The following SLC11A2 variants were observed in gnomAD, a reference collection of about 807,000 sequenced individuals.
The protein encoded by SLC11A2 is solute carrier family 11 member 2, also known as natural resistance-associated macrophage protein 2.
SLC11A2 carries 38 observed loss-of-function variants against 68.0 expected under a neutral mutation model. The ratio of observed to expected loss-of-function variants is 0.56; its 90% CI spans 0.43 to 0.73. The LOEUF is 0.73. Among genes scored for constraint, SLC11A2 ranks in the 30% least tolerant of loss-of-function variants. The pLI is 0.00. For synonymous variants in SLC11A2, 242 were observed against 250.6 expected (o/e 0.97, Z 0.32); for missense variants, 517 against 690.5 (o/e 0.75, Z 2.82).
upstream of SLC11A2, among the ~76,000 whole-genome samples, chr12:51,026,968 G>T (rs1944419445): frequency 1.3e-5 from 2 of 152,138 alleles, no homozygotes; most frequent in Non-Finnish European, 2.9e-5. Flanking sequence ...CCTGAGATCG[G>T]GAGTTTGAGA....
chr12:50,993,593 A>AG (rs369091351), intron 11 of SLC11A2, among the ~76,000 whole-genome samples: 10,280 of 150,678 alleles, frequency 0.068, 696 homozygotes, highest in East Asian at 0.28. Flanking sequence ...TGGGAGGCCG[A>AG]GGGGGGGGTG....
chr12:50,987,830 T>TAATA lies in SLC11A2; in HGVS notation c.*494_*495insTATT. ...TTATATTTCATATGGATGAAGCTAT[T>TAATA]CTAGTTGATAATTTGGTATAATTAA... On this transcript the variant is annotated 3_prime_UTR_variant, in exon 16 of 16. Transcript: ENST00000262052. 1 of 1,261,580 alleles carries TAATA rather than the reference T, an allele frequency of 7.9e-7. No individual in the cohort carries two copies. Among genetic ancestry groups the TAATA allele is most frequent in the Non-Finnish European group, 1.0e-6 (1 of 978,096 alleles). The allele number at this position is 1,261,580 out of a possible 1,614,324, so 78.1% of individuals were successfully genotyped here.
the SLC11A2 span, among the ~76,000 whole-genome samples, chr12:50,968,112 A>G: frequency 6.6e-6 from 1 of 151,994 alleles, no homozygotes; most frequent in Admixed American, 6.6e-5. Context: ...AAGGAGGAGG[A>G]GGAGGAGGAG....
At chr12:50,994,327 G>A (rs1370034568) in intron 11 of SLC11A2, among the ~76,000 whole-genome samples, 3 of 152,148 alleles carry the variant, frequency 2.0e-5, no homozygotes, top group East Asian at 1.9e-4. Flanking sequence ...GATTACAGGC[G>A]TGAACCACCG....
In SLC11A2 at chr12:50,994,536, A is replaced by G. The variant is rs888027152; in HGVS notation, c.1077+8T>C. ...AGGAACAAAGATCACAAATCCAAACATGCTTACCCCTTTGTAGATGTCCAC... is the reference window on the plus strand; with the variant it reads ...AGGAACAAAGATCACAAATCCAAACGTGCTTACCCCTTTGTAGATGTCCAC... On this transcript the variant is annotated splice_region_variant and intron_variant, in intron 11 of 15. Coordinates refer to ENST00000262052, the MANE Select transcript of SLC11A2 (RefSeq NM_000617.3). The G allele has an allele frequency of 3.2e-6, 5 of 1,574,910 alleles. No homozygotes were observed. The highest frequency in any genetic ancestry group is 3.5e-6 in the Non-Finnish European group (4 of 1,144,112).
chr12:50,986,828 A>T lies in SLC11A2; in HGVS notation c.*1497T>A, dbSNP rs1385168696. 1 of 1,287,100 alleles carries T rather than the reference A, an allele frequency of 7.8e-7. No individual in the cohort carries two copies. Among genetic ancestry groups the T allele is most frequent in the Non-Finnish European group, 1.0e-6 (1 of 988,696 alleles). 79.7% of individuals were successfully genotyped at this position (1,287,100 alleles called of 1,614,324 possible). ...ACCCTTAAATGCCTTATAAAAGACC[A>T]TCCATCCAGTCTGCGCTTTTGACTG... On this transcript the variant is annotated 3_prime_UTR_variant, in exon 16 of 16. Transcript: ENST00000262052.
rs121918365 is a variant in SLC11A2, at chr12:50,992,810, C to G, written c.1197G>C (p.Glu399Asp). 3 of 1,613,564 alleles carry G rather than the reference C, an allele frequency of 1.9e-6. No individual in the cohort carries two copies. Among genetic ancestry groups the G allele is most frequent in the Non-Finnish European group, 1.7e-6 (2 of 1,179,868 alleles). The part of the protein sequence containing the change: ...TGTYSGQFVM[E>D]GFLNLKWSRF... The stretch of plus-strand genomic sequence containing the variant: ...CCCTCTATCCTATACCAGCACGTAC[C>G]TCCATGACAAACTGGCCAGAATAGG... The change falls in exon 12 of 16, where the codon GAG (glutamate) becomes GAC (aspartate). Residue 399 changes from glutamate (E) to aspartate (D), a missense_variant and splice_region_variant. Transcript: ENST00000262052.
the SLC11A2 span, chr12:50,953,919 T>G: frequency 1.3e-6 from 1 of 780,878 alleles, no homozygotes; most frequent in Non-Finnish European, 2.2e-6. Context: ...TAATCAAGAG[T>G]ATGATGGGAG....
chr12:50,990,704 C>G, intron 15 of SLC11A2, 91 bp downstream of exon 15: 1 of 1,377,424 alleles, frequency 7.3e-7, no homozygotes, highest in Non-Finnish European at 1.0e-6. Flanking sequence ...GCCACTGTGC[C>G]CAGCCTGGGT....
chr12:51,027,685 A>T (rs1329400510), upstream of SLC11A2, among the ~76,000 whole-genome samples: 3 of 152,140 alleles, frequency 2.0e-5, no homozygotes, highest in South Asian at 6.2e-4. Flanking sequence ...AATTTTCTGC[A>T]ATGTCGTTTA....
chr12:50,971,219 C>T, the SLC11A2 span, among the ~76,000 whole-genome samples: 1 of 152,084 alleles, frequency 6.6e-6, no homozygotes, highest in African/African-American at 2.4e-5. Flanking sequence ...ACACCCTATC[C>T]ATGTCTTAAT....
chr12:51,000,329 G>T lies in SLC11A2; in HGVS notation c.520C>A (p.Leu174Ile), dbSNP rs1253717479. ...EVIGSAIAIN[L>I]LSVGRIPLWG... The stretch of plus-strand genomic sequence containing the variant: ...ACCCCTCACCTTCCTACAGACAGAA[G>T]ATTGATAGCAATGGCTGAGCCAATG... The change falls in exon 6 of 16, where the codon CTT becomes ATT. Residue 174 changes from leucine (L) to isoleucine (I), a missense_variant. Leu to Ile is a conservative substitution (Grantham distance 5). Coordinates refer to ENST00000262052, the MANE Select transcript of SLC11A2 (RefSeq NM_000617.3). 11 of 1,612,100 alleles carry T rather than the reference G, an allele frequency of 6.8e-6. No individual in the cohort carries two copies. Among genetic ancestry groups the T allele is most frequent in the Non-Finnish European group, 9.3e-6 (11 of 1,178,270 alleles).
intron 1 of SLC11A2, among the ~76,000 whole-genome samples, chr12:51,014,899 G>A (rs1218550903): frequency 2.6e-5 from 4 of 151,762 alleles, no homozygotes; most frequent in African/African-American, 9.7e-5. Flanking sequence ...GGTGGCTCAC[G>A]CCTGTAATCT....
chr12:50,995,559 CTT>C, intron 10 of SLC11A2, 68 bp downstream of exon 10: 1 of 1,441,796 alleles, frequency 6.9e-7, no homozygotes, highest in South Asian at 1.1e-5. Context: ...AGGTATTTTC[CTT>C]CCCCATCCCA....
downstream of SLC11A2, among the ~76,000 whole-genome samples, chr12:50,984,747 T>C (rs188114911): frequency 4.6e-5 from 7 of 152,296 alleles, no homozygotes; most frequent in Admixed American, 3.9e-4. Context: ...CAAACTTACT[T>C]TTAAAAATTC....
chr12:50,979,378 A>G (rs1471351338), downstream of SLC11A2: 1 of 160,316 alleles, frequency 6.2e-6, no homozygotes, highest in East Asian at 1.8e-4. Context: ...AAATTCCATA[A>G]GTACTTAACC....
intron 2 of SLC11A2, among the ~76,000 whole-genome samples, chr12:51,010,077 G>A (rs938624755): frequency 1.3e-5 from 2 of 151,960 alleles, no homozygotes; most frequent in African/African-American, 4.8e-5. Context: ...CCAGGTGCTC[G>A]TGATGCTGAG....
chr12:51,028,210 G>A, upstream of SLC11A2: 1 of 1,535,598 alleles, frequency 6.5e-7, no homozygotes, highest in Non-Finnish European at 8.7e-7. Context: ...TCCGTCTTCA[G>A]CTGCTTCTTC....
chr12:50,996,345 C>G (rs1379146146), intron 9 of SLC11A2, among the ~76,000 whole-genome samples: 1 of 152,110 alleles, frequency 6.6e-6, no homozygotes. Flanking sequence ...GAGGCCAAGG[C>G]GGGTGGATTG....
Sources: allele counts gnomAD v4.1 joint callset (sites outside exome capture counted in the v4.1 genomes callset), GRCh38; gene constraint gnomAD v4.1.1; transcripts MANE v1.5; gene names NCBI Gene and HGNC (gene_info 2026-07-23, HGNC 2026-07-21).